Variants in DHX32 observed in about 807,000 individuals in gnomAD.
DHX32 encodes putative pre-mRNA-splicing factor ATP-dependent RNA helicase DHX32.
A neutral mutation model predicts 70.0 loss-of-function variants in DHX32; 51 were observed. The ratio of observed to expected loss-of-function variants is 0.73; its 90% CI spans 0.58 to 0.92. The LOEUF (loss-of-function observed/expected upper bound fraction) is 0.92, where lower values mean the gene tolerates loss of function less well. Among genes scored for constraint, DHX32 ranks in the 40% least tolerant of loss-of-function variants. The pLI is 0.00. For synonymous variants in DHX32, 310 were observed against 315.3 expected (o/e 0.98, Z 0.18); for missense variants, 762 against 891.8 (o/e 0.85, Z 1.85).
At chr10:125,862,934 T>C (rs979591877) in intron 2 of DHX32, among the ~76,000 whole-genome samples, 5 of 152,056 alleles carry the variant, frequency 3.3e-5, no homozygotes, top group Non-Finnish European at 7.4e-5. Context: ...TAATGAGATA[T>C]TGTGTGTATG....
intron 2 of DHX32, among the ~76,000 whole-genome samples, chr10:125,864,823 A>AAAG (rs1345070716): frequency 6.6e-6 from 1 of 150,710 alleles, no homozygotes; most frequent in African/African-American, 2.4e-5. Flanking sequence ...CCAGCTACTT[A>AAAG]GGAGGCTGAG....
At chr10:125,843,945 T>C (rs17737550) in intron 6 of DHX32, among the ~76,000 whole-genome samples, 5,989 of 152,268 alleles carry the variant, frequency 0.039, 145 homozygotes, top group Middle Eastern at 0.071. Flanking sequence ...ATATGTTGAA[T>C]TTCCCTATTC....
At chr10:125,838,058 A>T (rs1854752775) in intron 10 of DHX32, 148 bp downstream of exon 10, 2 of 657,276 alleles carry the variant, frequency 3.0e-6, no homozygotes, top group South Asian at 2.4e-5. Context: ...TCATCCACAG[A>T]GGCCTGCCCT....
At position 125,841,798 on chromosome 10, in the gene DHX32, C is replaced by G. The variant is rs574953919; in HGVS notation, c.1488G>C (p.Ala496=). 26 of 1,613,380 alleles carry G rather than the reference C, an allele frequency of 1.6e-5. 1 individual carries two copies. In the Admixed American group the frequency reaches 1.7e-4, roughly 10 times the overall value. Residue 496 remains alanine (A), a synonymous_variant, in exon 7 of 11, where the codon GCG becomes GCC. Transcript: ENST00000284690. ...CATCTACACAGTCAAATTCACAGGACGCTAAGATAGACTTCGAGAGTTGTG... is the reference window on the plus strand; with the variant it reads ...CATCTACACAGTCAAATTCACAGGAGGCTAAGATAGACTTCGAGAGTTGTG... ...LDPQLSKSIL[A]SCEFDCVDEV... is the part of the protein sequence containing the mutation.
intron 10 of DHX32, among the ~76,000 whole-genome samples, chr10:125,837,728 G>A (rs1854740052): frequency 6.6e-6 from 1 of 152,080 alleles, no homozygotes; most frequent in African/African-American, 2.4e-5. Context: ...AAACTATATC[G>A]AGAAGATGCT....
At position 125,852,343 on chromosome 10, in the gene DHX32, T is replaced by G. The variant is rs773503819; in HGVS notation, c.1301A>C (p.Lys434Thr). 1.2e-6 allele frequency: 2 copies of G among 1,614,204 alleles called. No homozygotes were observed. ...ANLTSMVLFM[K>T]RIDIAGLGHC... Reference sequence around the variant, plus strand: ...GCCTAGGCCCGCAATGTCTATCCTCTTCATAAAAAGCACCATGCTTGTTAG... The same window carrying G: ...GCCTAGGCCCGCAATGTCTATCCTCGTCATAAAAAGCACCATGCTTGTTAG... Residue 434 changes from lysine (K) to threonine (T), a missense_variant, in exon 6 of 11, where the codon AAG (lysine) becomes ACG (threonine). Coordinates refer to ENST00000284690, the MANE Select transcript of DHX32 (RefSeq NM_018180.3).
chr10:125,855,069 A>G (rs1408146059), intron 3 of DHX32, among the ~76,000 whole-genome samples: 2 of 152,022 alleles, frequency 1.3e-5, no homozygotes, highest in African/African-American at 4.8e-5. Context: ...TAAAAATACA[A>G]AAATTAGCTG....
chr10:125,882,707 A>G (rs1263202379), upstream of DHX32, among the ~76,000 whole-genome samples: 1 of 152,168 alleles, frequency 6.6e-6, no homozygotes. Context: ...CATAATAGAA[A>G]TGTTGTAATA....
chr10:125,859,298 C>T (rs1944169840), intron 3 of DHX32, among the ~76,000 whole-genome samples: 1 of 152,152 alleles, frequency 6.6e-6, no homozygotes. Flanking sequence ...AGAGACAATT[C>T]ACAGCAAGCA....
Position 125,867,135 on chromosome 10 carries a change from C to T in DHX32, c.331G>A (p.Gly111Arg), listed in dbSNP as rs746327751. The change falls in exon 2 of 11, where the codon GGG becomes AGG. Residue 111 changes from glycine to arginine, a missense_variant. By Grantham distance (125) the Gly-to-Arg change is moderately radical (BLOSUM62 -2). Around this residue, in one of 3 missense-constraint regions of DHX32, gnomAD observed 394 missense variants for 473.1 expected, o/e 0.83. Coordinates refer to ENST00000284690, the MANE Select transcript of DHX32 (RefSeq NM_018180.3). ...TGGACCTGTGTGCATATCACGCCCC[C>T]GTGCTGGTAGTGGATGGAAAGACAA... ...EYCLSIHYQH[G>R]GVICTQVHKQ... The T allele has an allele frequency of 3.7e-6, 6 of 1,614,142 alleles. No individual in the cohort carries two copies. The highest frequency in any genetic ancestry group is 1.7e-5 in the Admixed American group (1 of 60,026).
At chr10:125,853,747 C>G (rs1944121261) in intron 4 of DHX32, 2 of 521,310 alleles carry the variant, frequency 3.8e-6, no homozygotes, top group African/African-American at 3.9e-5. Context: ...GCAGCTCAAT[C>G]AATTTAATTC....
At chr10:125,837,168 A>G (rs1369592540) in intron 10 of DHX32, among the ~76,000 whole-genome samples, 1 of 152,224 alleles carries the variant, frequency 6.6e-6, no homozygotes, top group African/African-American at 2.4e-5. Flanking sequence ...AGAGGCACCA[A>G]TCGTATGCTT....
chr10:125,857,807 C>T (rs1455940440), intron 3 of DHX32, among the ~76,000 whole-genome samples: 5 of 152,060 alleles, frequency 3.3e-5, no homozygotes, highest in Non-Finnish European at 7.4e-5. Context: ...TTTTTGCTTA[C>T]CCTGACTTGA....
chr10:125,873,454 C>T (rs1944267395), intron 1 of DHX32, among the ~76,000 whole-genome samples: 1 of 152,140 alleles, frequency 6.6e-6, no homozygotes, highest in Admixed American at 6.5e-5. Context: ...GCTTTCTTCT[C>T]TTAATGTCTC....
chr10:125,838,421 G>A (rs930887392), intron 9 of DHX32, 34 bp from the exon 10 acceptor site: 2 of 1,517,550 alleles, frequency 1.3e-6, no homozygotes, highest in Admixed American at 2.3e-5. Flanking sequence ...AAAAGATTTT[G>A]TATTAATATG....
At chr10:125,856,134 T>C (rs565081381) in intron 3 of DHX32, among the ~76,000 whole-genome samples, 1 of 152,352 alleles carries the variant, frequency 6.6e-6, no homozygotes, top group Admixed American at 6.5e-5. Context: ...TTTTGTTTAT[T>C]CATTTCCTTG....
At chr10:125,852,793 A>T in intron 4 of DHX32, 151 bp from the exon 5 acceptor site, 1 of 752,006 alleles carries the variant, frequency 1.3e-6, no homozygotes, top group Non-Finnish European at 2.1e-6. Flanking sequence ...TTATTGTTTC[A>T]CTTGCCTTGA....
intron 10 of DHX32, among the ~76,000 whole-genome samples, 153 bp from the exon 11 acceptor site, chr10:125,837,008 A>C (rs1288545705): frequency 6.6e-6 from 1 of 152,208 alleles, no homozygotes; most frequent in African/African-American, 2.4e-5. Context: ...CGACTTTGTA[A>C]AATAAATACT....
intron 2 of DHX32, among the ~76,000 whole-genome samples, chr10:125,865,943 T>G (rs1944217871): frequency 6.6e-6 from 1 of 152,190 alleles, no homozygotes; most frequent in Admixed American, 6.5e-5. Context: ...GATGAGCACA[T>G]GAGACACTAG....
Sources: allele counts gnomAD v4.1 joint callset (sites outside exome capture counted in the v4.1 genomes callset), GRCh38; gene constraint gnomAD v4.1.1; regional missense constraint gnomAD v4.1.1; transcripts MANE v1.5; gene names NCBI Gene and HGNC (gene_info 2026-07-23, HGNC 2026-07-21).